STXBP4: variants seen among roughly 807,000 people sequenced by gnomAD.
The protein encoded by STXBP4 is syntaxin-binding protein 4.
Under a neutral mutation model 76.1 loss-of-function variants are expected in STXBP4, and 55 were observed. That is an observed-to-expected ratio of 0.72 (90% CI 0.58 to 0.91). The LOEUF (loss-of-function observed/expected upper bound fraction) is 0.91, where lower values mean the gene tolerates loss of function less well. Ranked by LOEUF, STXBP4 falls within the 40% of genes least tolerant of loss-of-function variation. The pLI is 0.00. For synonymous variants in STXBP4, 201 were observed against 220.2 expected (o/e 0.91, Z 0.77); for missense variants, 618 against 636.9 (o/e 0.97, Z 0.32).
downstream of STXBP4, among the ~76,000 whole-genome samples, chr17:55,174,807 A>G (rs1267480163): frequency 6.6e-6 from 1 of 152,160 alleles, no homozygotes; most frequent in Non-Finnish European, 1.5e-5. Context: ...CCAGATATCT[A>G]CCTATCACAA....
intron 17 of STXBP4, among the ~76,000 whole-genome samples, chr17:55,146,227 A>G (rs954883907): frequency 1.3e-5 from 2 of 152,214 alleles, no homozygotes; most frequent in African/African-American, 4.8e-5. Context: ...TGTGATTATC[A>G]TACTTATATT....
intron 10 of STXBP4, among the ~76,000 whole-genome samples, chr17:55,040,909 G>A (rs569233926): frequency 6.6e-6 from 1 of 152,296 alleles, no homozygotes; most frequent in South Asian, 2.1e-4. Context: ...CTTAGCTGAA[G>A]TATATTTGAA....
In STXBP4 at chr17:55,078,065, T is replaced by C; in HGVS notation, c.1189-13T>C. On this transcript the variant is annotated splice_polypyrimidine_tract_variant and intron_variant, in intron 13 of 17. Transcript: ENST00000376352. ...AGAAATGTGTAAATGCTCCTTTTGA[T>C]ATCTCTGTGCAGGAAAGTGTTCAGG... 1 of 1,532,910 alleles carries C rather than the reference T, an allele frequency of 6.5e-7. No individual in the cohort carries two copies. Among genetic ancestry groups the C allele is most frequent in the Non-Finnish European group, 8.9e-7 (1 of 1,124,788 alleles). 95.0% of individuals were successfully genotyped at this position (1,532,910 alleles called of 1,614,324 possible).
At chr17:54,974,524 G>C (rs142364160) in intron 1 of STXBP4, among the ~76,000 whole-genome samples, 3 of 152,184 alleles carry the variant, frequency 2.0e-5, no homozygotes, top group Non-Finnish European at 2.9e-5. Context: ...TCAATAGAAG[G>C]CATTTATTAA....
chr17:55,047,001 G>T (rs1008354036), intron 11 of STXBP4, 88 bp from the exon 12 acceptor site: 1 of 675,406 alleles, frequency 1.5e-6, no homozygotes, highest in Non-Finnish European at 2.5e-6. Flanking sequence ...TGATATTTGG[G>T]AATATAGGCC....
At chr17:55,126,384 T>C (rs1225227153) in intron 16 of STXBP4, among the ~76,000 whole-genome samples, 1 of 152,052 alleles carries the variant, frequency 6.6e-6, no homozygotes, top group Non-Finnish European at 1.5e-5. Context: ...AGCAGAGAAA[T>C]AGAAATAATT....
intron 7 of STXBP4, among the ~76,000 whole-genome samples, chr17:55,003,421 T>C (rs559985509): frequency 1.8e-4 from 28 of 152,320 alleles, no homozygotes; most frequent in African/African-American, 6.7e-4. Flanking sequence ...CATTTTCTTC[T>C]ACATAAATGT....
intron 1 of STXBP4, among the ~76,000 whole-genome samples, chr17:54,975,450 A>G (rs569316427): frequency 6.6e-6 from 1 of 151,976 alleles, no homozygotes; most frequent in East Asian, 1.9e-4. Flanking sequence ...GCACAATATT[A>G]TATCTCAAAT....
chr17:55,058,513 T>C (rs1264274079), intron 12 of STXBP4, among the ~76,000 whole-genome samples: 1 of 152,192 alleles, frequency 6.6e-6, no homozygotes, highest in Non-Finnish European at 1.5e-5. Flanking sequence ...GTTAAAAATA[T>C]CTACACTGCA....
At chr17:54,990,236 T>A (rs2077692966) in intron 3 of STXBP4, among the ~76,000 whole-genome samples, 1 of 152,166 alleles carries the variant, frequency 6.6e-6, no homozygotes, top group Admixed American at 6.5e-5. Context: ...AGATCAGAGG[T>A]CCCTAATCCC....
chr17:55,189,509 T>C, the STXBP4 span, among the ~76,000 whole-genome samples: 1 of 152,138 alleles, frequency 6.6e-6, no homozygotes, highest in African/African-American at 2.4e-5. Flanking sequence ...AACAAGCATC[T>C]ACAAGAAACA....
At chr17:55,107,312 TGG>T (rs1262492141) in intron 16 of STXBP4, among the ~76,000 whole-genome samples, 13 of 152,210 alleles carry the variant, frequency 8.5e-5, no homozygotes, top group Non-Finnish European at 1.5e-5. Context: ...TTCTCTCAAC[TGG>T]TTATTCTAGT....
At chr17:55,186,341 T>C in the STXBP4 span, among the ~76,000 whole-genome samples, 3 of 152,330 alleles carry the variant, frequency 2.0e-5, no homozygotes, top group Non-Finnish European at 4.4e-5. Flanking sequence ...TCTAGCTATA[T>C]TTCAAGTTAA....
At chr17:55,139,807 G>T (rs2080075559) in intron 16 of STXBP4, among the ~76,000 whole-genome samples, 1 of 152,116 alleles carries the variant, frequency 6.6e-6, no homozygotes, top group Non-Finnish European at 1.5e-5. Flanking sequence ...AAACTTCAAG[G>T]TGGCCTGTGT....
intron 8 of STXBP4, among the ~76,000 whole-genome samples, chr17:55,016,912 C>A (rs1211516768): frequency 6.6e-6 from 1 of 152,160 alleles, no homozygotes; most frequent in Non-Finnish European, 1.5e-5. Flanking sequence ...AAGTTACTTT[C>A]CTACTTCTGT....
chr17:55,061,014 A>G (rs143673361), intron 12 of STXBP4, among the ~76,000 whole-genome samples: 4 of 152,196 alleles, frequency 2.6e-5, no homozygotes, highest in African/African-American at 9.6e-5. Context: ...CTCTGGGTTC[A>G]GATAAGCCCA....
chr17:55,042,562 T>C (rs926995776), intron 10 of STXBP4, among the ~76,000 whole-genome samples: 1 of 152,140 alleles, frequency 6.6e-6, no homozygotes, highest in Non-Finnish European at 1.5e-5. Context: ...GAGATGGCTG[T>C]AGTTAAACTT....
At chr17:55,130,993 T>C (rs996499440) in intron 16 of STXBP4, among the ~76,000 whole-genome samples, 1 of 152,194 alleles carries the variant, frequency 6.6e-6, no homozygotes, top group South Asian at 2.1e-4. Context: ...CATTCAGACA[T>C]CTCTTCAACA....
intron 4 of STXBP4, among the ~76,000 whole-genome samples, chr17:54,994,721 G>A (rs1315258623): frequency 6.6e-6 from 1 of 151,908 alleles, no homozygotes; most frequent in Admixed American, 6.6e-5. Flanking sequence ...TCCATATAGT[G>A]TGGCTTCTGC....
Sources: gnomAD v4.1 joint callset for allele counts (sites outside exome capture counted in the v4.1 genomes callset) on GRCh38, gnomAD v4.1.1 for gene constraint, MANE v1.5 for transcripts, NCBI Gene and HGNC (gene_info 2026-07-23, HGNC 2026-07-21) for gene names.